NUP210L: variants seen among roughly 807,000 people sequenced by gnomAD.
NUP210L encodes the protein nucleoporin 210 like.
NUP210L carries 74 observed loss-of-function variants against 208.5 expected under a neutral mutation model. That is an observed-to-expected ratio of 0.35 (90% confidence interval 0.29 to 0.43). NUP210L has a LOEUF of 0.43. Ranked by LOEUF, NUP210L falls within the 20% of genes least tolerant of loss-of-function variation. The probability of loss-of-function intolerance (pLI) is 1.00; values close to 1 mark genes in which losing one functional copy is unlikely to be tolerated. For missense variants in NUP210L, 1,843 were observed against 2,289.4 expected (o/e 0.81, Z 3.98); for synonymous variants, 780 against 816.9 (o/e 0.95, Z 0.77).
At chr1:154,110,149 C>T (rs973630817) in intron 12 of NUP210L, among the ~76,000 whole-genome samples, 1 of 149,236 alleles carries the variant, frequency 6.7e-6, no homozygotes, top group African/African-American at 2.5e-5. Flanking sequence ...GCAGGAGAAT[C>T]ACTTGAACCC....
chr1:153,998,505 G>A (rs912630244), intron 37 of NUP210L, among the ~76,000 whole-genome samples: 3 of 148,078 alleles, frequency 2.0e-5, no homozygotes, highest in Middle Eastern at 3.5e-3. Context: ...AGTGAGCTGA[G>A]ATGGTGCCAC....
chr1:154,137,260 C>CA (rs905139964), intron 6 of NUP210L, among the ~76,000 whole-genome samples: 14 of 151,110 alleles, frequency 9.3e-5, no homozygotes, highest in African/African-American at 2.2e-4. Context: ...CCATTTCTAA[C>CA]AAAAAAAAGA....
chr1:154,141,769 G>C (rs1658861882), intron 3 of NUP210L, among the ~76,000 whole-genome samples: 1 of 152,178 alleles, frequency 6.6e-6, no homozygotes, highest in South Asian at 2.1e-4. Context: ...ACTTCTGGTT[G>C]ACAATAATTA....
At chr1:154,068,243 C>A (rs1055715377) in intron 17 of NUP210L, among the ~76,000 whole-genome samples, 4 of 152,148 alleles carry the variant, frequency 2.6e-5, no homozygotes, top group African/African-American at 9.7e-5. Flanking sequence ...GAGATATAGA[C>A]CAATGGAACA....
chr1:154,108,781 A>G (rs1167476818), intron 12 of NUP210L, among the ~76,000 whole-genome samples: 1 of 151,738 alleles, frequency 6.6e-6, no homozygotes, highest in Non-Finnish European at 1.5e-5. Flanking sequence ...CTCTCCAATC[A>G]AAAAAGATAG....
At chr1:154,044,641 C>T (rs1035806668) in intron 27 of NUP210L, among the ~76,000 whole-genome samples, 1 of 151,914 alleles carries the variant, frequency 6.6e-6, no homozygotes, top group Non-Finnish European at 1.5e-5. Flanking sequence ...AGCTGGCTGC[C>T]GAAATATCCT....
At chr1:154,103,671 C>CAA (rs553564283) in intron 13 of NUP210L, among the ~76,000 whole-genome samples, 13 of 37,546 alleles carry the variant, frequency 3.5e-4, no homozygotes, top group African/African-American at 6.3e-4. Flanking sequence ...GACTCCGTCT[C>CAA]AAAAAAAAAA....
exon 1 of NUP210L, chr1:154,155,045 G>A (rs1659643175): frequency 1.2e-6 from 2 of 1,600,936 alleles, no homozygotes; most frequent in Admixed American, 3.5e-5. Flanking sequence ...AGCCAGTCAT[G>A]GCGACTGCCA....
intron 27 of NUP210L, among the ~76,000 whole-genome samples, chr1:154,045,687 A>G (rs948231330): frequency 6.6e-6 from 1 of 152,180 alleles, no homozygotes; most frequent in Non-Finnish European, 1.5e-5. Flanking sequence ...TAATCAGTCT[A>G]AAACTTATGA....
chr1:154,153,601 C>T (rs937411305), intron 1 of NUP210L, among the ~76,000 whole-genome samples: 2 of 150,836 alleles, frequency 1.3e-5, no homozygotes, highest in Admixed American at 6.6e-5. Context: ...TGAGCCACTG[C>T]GCCCGGCCGA....
chr1:154,060,106 G>A (rs1654057793), intron 20 of NUP210L, among the ~76,000 whole-genome samples: 1 of 152,108 alleles, frequency 6.6e-6, no homozygotes, highest in South Asian at 2.1e-4. Context: ...AGACATGGTG[G>A]TGGGCTCCTG....
chr1:154,118,704 A>T, exon 11 of NUP210L: 1 of 1,606,702 alleles, frequency 6.2e-7, no homozygotes. Flanking sequence ...TTCCCATAGG[A>T]TGATGAGGAA....
Position 154,126,276 on chromosome 1 carries a change from C to G in NUP210L, c.1326+47G>C. On this transcript the variant is annotated intron_variant, in intron 10 of 39. Coordinates refer to ENST00000368559, the Ensembl canonical transcript of NUP210L. ...CTTGCAAATCAACAAGTCAGCCAAG[C>G]CTCTTCAGTGTTCTTAGAATACAAA... 3 of 1,548,180 alleles carry G rather than the reference C, an allele frequency of 1.9e-6. No homozygotes were observed. The African/African-American group carries it at 4.1e-5, about 21-fold the overall frequency.
chr1:154,060,738 A>G (rs1654087511), intron 19 of NUP210L, 97 bp from the exon 20 acceptor site: 1 of 889,580 alleles, frequency 1.1e-6, no homozygotes, highest in South Asian at 1.6e-5. Flanking sequence ...ATATGGGATA[A>G]AAAGATTAAA....
intron 8 of NUP210L, among the ~76,000 whole-genome samples, chr1:154,128,662 G>A (rs748284841): frequency 1.3e-5 from 2 of 152,178 alleles, no homozygotes; most frequent in East Asian, 3.9e-4. Context: ...ACCAGCCTGG[G>A]CAATGTGGCA....
At chr1:154,150,727 C>CA (rs1156928758) in intron 2 of NUP210L, among the ~76,000 whole-genome samples, 1,610 of 37,802 alleles carry the variant, frequency 0.043, 32 homozygotes, top group African/African-American at 0.086. Flanking sequence ...GACTCCATCT[C>CA]AAAAAAAAAA....
intron 24 of NUP210L, 44 bp downstream of exon 24, chr1:154,054,726 T>A: frequency 1.5e-6 from 2 of 1,311,908 alleles, no homozygotes; most frequent in Admixed American, 1.7e-5. Flanking sequence ...GAGAGAGAGG[T>A]AAGGAGAAAA....
At chr1:154,074,879 T>C (rs1190242448) in intron 16 of NUP210L, among the ~76,000 whole-genome samples, 1 of 152,236 alleles carries the variant, frequency 6.6e-6, no homozygotes, top group Non-Finnish European at 1.5e-5. Flanking sequence ...CATGCATGTA[T>C]GACACAATGG....
At chr1:154,058,595 T>C in exon 21 of NUP210L, 1 of 1,613,910 alleles carries the variant, frequency 6.2e-7, no homozygotes, top group Non-Finnish European at 8.5e-7. Context: ...CCAGCTCTTG[T>C]ATGTCTGACA....
Sources: gnomAD v4.1 joint callset for allele counts (sites outside exome capture counted in the v4.1 genomes callset) on GRCh38, gnomAD v4.1.1 for gene constraint, MANE v1.5 for transcripts, NCBI Gene and HGNC (gene_info 2026-07-23, HGNC 2026-07-21) for gene names.